The following DOCK3 variants were observed in gnomAD, a reference collection of about 807,000 sequenced individuals.
DOCK3 encodes the protein dedicator of cytokinesis 3.
In DOCK3, 60 loss-of-function variants were observed where a neutral mutation model predicts 265.6. The ratio of observed to expected loss-of-function variants is 0.23; its 90% CI spans 0.18 to 0.28. The LOEUF is 0.28. DOCK3 is among the 10% of genes least tolerant of loss of function. DOCK3 has a pLI of 1.00. For synonymous variants in DOCK3, 881 were observed against 938.0 expected, an observed-to-expected ratio of 0.94 and a Z score of 1.11; for missense variants, 1,981 against 2,594.3, an observed-to-expected ratio of 0.76 and a Z score of 5.14.
At chr3:51,115,249 A>G (rs1021380089) in intron 9 of DOCK3, among the ~76,000 whole-genome samples, 2 of 152,174 alleles carry the variant, frequency 1.3e-5, no homozygotes, top group African/African-American at 4.8e-5. Flanking sequence ...GAACTACTTT[A>G]CACTCCCACC....
chr3:51,179,005 C>G (rs534147183), intron 12 of DOCK3, among the ~76,000 whole-genome samples: 4 of 152,288 alleles, frequency 2.6e-5, no homozygotes, highest in Admixed American at 1.3e-4. Context: ...ACCACTTGCT[C>G]TCTTGCCTTT....
intron 1 of DOCK3, among the ~76,000 whole-genome samples, chr3:50,692,309 C>T (rs977333704): frequency 1.3e-5 from 2 of 152,092 alleles, no homozygotes; most frequent in African/African-American, 2.4e-5. Flanking sequence ...GGACTGGTTT[C>T]GTGGAAGACA....
At chr3:50,936,456 A>G (rs2051367507) in intron 5 of DOCK3, among the ~76,000 whole-genome samples, 1 of 151,954 alleles carries the variant, frequency 6.6e-6, no homozygotes, top group Admixed American at 6.6e-5. Flanking sequence ...TACATTCGGG[A>G]AGCTTAGTGA....
In DOCK3 at chr3:50,778,661, C is replaced by T. The variant is rs1383118022; in HGVS notation, c.38-14C>T. 3 of 1,568,098 alleles carry T rather than the reference C, an allele frequency of 1.9e-6. No homozygotes were observed. The highest frequency in any genetic ancestry group is 2.6e-6 in the Non-Finnish European group (3 of 1,153,858). ...TAAAAATGCTAATTGGTGTGTTTAT[C>T]CTTGCTTTTCTAGTGATATGCAGCT... On this transcript the variant is annotated splice_polypyrimidine_tract_variant and intron_variant, in intron 1 of 52. Transcript: ENST00000266037.
Position 51,278,286 on chromosome 3 carries a change from TA to T in DOCK3, c.2823+533del, listed in dbSNP as rs950813123. 7.1e-6 allele frequency: 7 copies of T among 985,278 alleles called. No homozygotes were observed. In the South Asian group the frequency reaches 1.4e-4, roughly 20 times the overall value. 61.0% of individuals were successfully genotyped at this position (985,278 alleles called of 1,614,324 possible). A position where few individuals can be genotyped will look rare whatever the true frequency, so the allele number is the denominator to read the frequency against. On this transcript the variant is annotated intron_variant, in intron 26 of 52. Coordinates refer to ENST00000266037, the MANE Select transcript of DOCK3 (RefSeq NM_004947.5). ...AATAACGATTTTTCTGTGATCTAAT[TA>T]GAAGAGAAACAAACTGGGAAGGCTT...
At chr3:51,148,836 G>A (rs1243767622) in intron 10 of DOCK3, among the ~76,000 whole-genome samples, 3 of 152,084 alleles carry the variant, frequency 2.0e-5, no homozygotes, top group African/African-American at 7.2e-5. Context: ...GCTCTTTTTT[G>A]GTTCCATATG....
At chr3:51,186,441 G>T (rs758672007) in intron 12 of DOCK3, among the ~76,000 whole-genome samples, 1 of 152,150 alleles carries the variant, frequency 6.6e-6, no homozygotes, top group Admixed American at 6.5e-5. Context: ...TGGAAAATTC[G>T]CAGCCTAACA....
chr3:50,872,373 T>C (rs778047892), intron 3 of DOCK3, among the ~76,000 whole-genome samples: 11 of 152,250 alleles, frequency 7.2e-5, no homozygotes, highest in Non-Finnish European at 1.5e-4. Flanking sequence ...TTCTCTTCTC[T>C]TACTTTCTGC....
intron 5 of DOCK3, among the ~76,000 whole-genome samples, chr3:50,989,799 G>C (rs1391499952): frequency 6.6e-6 from 1 of 152,142 alleles, no homozygotes; most frequent in Non-Finnish European, 1.5e-5. Context: ...TTTTGACCAG[G>C]CTGAACTGAC....
At position 50,968,553 on chromosome 3, in the gene DOCK3, A is replaced by T. The variant is rs974874568; in HGVS notation, c.315+34476A>T. 2.6e-4 allele frequency among the ~76,000 whole-genome samples: 36 copies of T among 139,368 alleles called. No individual in the cohort carries two copies. In the South Asian group the frequency reaches 6.2e-3, roughly 24 times the overall value. The allele number at this position is 139,368 out of a possible 152,430, so 91.4% of individuals were successfully genotyped here. A position where few individuals can be genotyped will look rare whatever the true frequency, so the allele number is the denominator to read the frequency against. On this transcript the variant is annotated intron_variant, in intron 5 of 52. Transcript: ENST00000266037. ...CGAGAAGATACTTTCTATGATTTCAATTTTTTTTTTTTTTTGAGACGGAGT... is the reference window on the plus strand; with the variant it reads ...CGAGAAGATACTTTCTATGATTTCATTTTTTTTTTTTTTTTGAGACGGAGT...
At chr3:50,858,361 G>A (rs1212327014) in intron 3 of DOCK3, among the ~76,000 whole-genome samples, 1 of 151,430 alleles carries the variant, frequency 6.6e-6, no homozygotes, top group Non-Finnish European at 1.5e-5. Context: ...ATACCAACAC[G>A]ACACATATAT....
At chr3:51,283,428 A>C (rs552867722) in intron 27 of DOCK3, among the ~76,000 whole-genome samples, 1 of 152,252 alleles carries the variant, frequency 6.6e-6, no homozygotes, top group East Asian at 1.9e-4. Flanking sequence ...CACAGGGAAA[A>C]AGCAGCAATT....
chr3:50,859,999 G>T (rs2046829047), intron 3 of DOCK3, among the ~76,000 whole-genome samples: 1 of 152,222 alleles, frequency 6.6e-6, no homozygotes, highest in Admixed American at 6.5e-5. Flanking sequence ...CAGAGGAAGA[G>T]ATCTTGGTAC....
intron 5 of DOCK3, among the ~76,000 whole-genome samples, chr3:50,974,544 C>T (rs1305881767): frequency 2.6e-5 from 4 of 151,644 alleles, no homozygotes; most frequent in South Asian, 2.1e-4. Context: ...TTACTGTAGC[C>T]TTGTAGTATA....
chr3:51,369,040 G>A lies in DOCK3; in HGVS notation c.5294-5429G>A, dbSNP rs557465153. On this transcript the variant is annotated intron_variant, in intron 49 of 52. Transcript: ENST00000266037. The stretch of plus-strand genomic sequence containing the variant: ...ATGCACACAAAAACCCCATCTGTAC[G>A]TCACCATTATCAAAGACCAAAGGTA... Among the ~76,000 whole-genome samples the A allele has an allele frequency of 9.2e-5, 14 of 152,314 alleles. No homozygotes were observed. The South Asian group carries it at 1.2e-3, about 14-fold the overall frequency.
chr3:51,230,466 C>T (rs985123523), intron 19 of DOCK3, among the ~76,000 whole-genome samples: 1 of 152,054 alleles, frequency 6.6e-6, no homozygotes, highest in Non-Finnish European at 1.5e-5. Flanking sequence ...TTTTTATCTG[C>T]ATGGTATTCC....
chr3:50,821,939 A>T (rs1419663281), intron 2 of DOCK3, among the ~76,000 whole-genome samples: 1 of 152,162 alleles, frequency 6.6e-6, no homozygotes, highest in African/African-American at 2.4e-5. Context: ...TCAGATAATC[A>T]GGTGCTTCTG....
intron 1 of DOCK3, among the ~76,000 whole-genome samples, chr3:50,748,678 T>A (rs570741226): frequency 6.6e-6 from 1 of 152,324 alleles, no homozygotes; most frequent in African/African-American, 2.4e-5. Flanking sequence ...TAACATTTCC[T>A]CCAAACTCTC....
In DOCK3 at chr3:51,306,005, G is replaced by T. The variant is rs566089047; in HGVS notation, c.2923-4227G>T. On this transcript the variant is annotated intron_variant, in intron 27 of 52. Coordinates refer to ENST00000266037, the MANE Select transcript of DOCK3 (RefSeq NM_004947.5). ...CATGTGCACACCACCACACCAGCTAGTTTTTCTTTTTTTTTTTCTTTTTTT... is the reference window on the plus strand; with the variant it reads ...CATGTGCACACCACCACACCAGCTATTTTTTCTTTTTTTTTTTCTTTTTTT... Among the ~76,000 whole-genome samples the T allele has an allele frequency of 1.4e-4, 20 of 146,428 alleles. No individual in the cohort carries two copies. In the East Asian group the frequency reaches 3.8e-3, roughly 28 times the overall value.
Sources: allele counts gnomAD v4.1 joint callset (sites outside exome capture counted in the v4.1 genomes callset), GRCh38; gene constraint gnomAD v4.1.1; transcripts MANE v1.5; gene names NCBI Gene and HGNC (gene_info 2026-07-23, HGNC 2026-07-21).